THADA: variants seen among roughly 807,000 people sequenced by gnomAD.
The protein encoded by THADA is tRNA (32-2'-O)-methyltransferase regulator THADA.
THADA carries 213 observed loss-of-function variants against 219.8 expected under a neutral mutation model. The ratio of observed to expected loss-of-function variants is 0.97; its 90% CI spans 0.87 to 1.09. The LOEUF (loss-of-function observed/expected upper bound fraction) is 1.09. Ranked by LOEUF, THADA falls within the 50% of genes least tolerant of loss-of-function variation. THADA has a pLI of 0.00. For missense variants in THADA, 2,956 were observed against 2,311.3 expected (o/e 1.28, Z -5.72); for synonymous variants, 1,018 against 828.9 (o/e 1.23, Z -3.92).
chr2:43,584,193 T>G (rs111520011), intron 7 of THADA, among the ~76,000 whole-genome samples: 1 of 152,218 alleles, frequency 6.6e-6, no homozygotes, highest in Admixed American at 6.5e-5. Flanking sequence ...AAAGACTTTT[T>G]TAAAAAAATA....
chr2:43,442,429 G>A (rs1375346323), intron 26 of THADA, among the ~76,000 whole-genome samples: 1 of 152,128 alleles, frequency 6.6e-6, no homozygotes, highest in Non-Finnish European at 1.5e-5. Flanking sequence ...GACAGAGGGA[G>A]ACTCGGAGTT....
chr2:43,389,160 C>G (rs1381445574), intron 29 of THADA, among the ~76,000 whole-genome samples: 1 of 152,176 alleles, frequency 6.6e-6, no homozygotes, highest in African/African-American at 2.4e-5. Flanking sequence ...AATAACACAG[C>G]TAGTAAGCAG....
chr2:43,468,093 T>C, intron 26 of THADA, among the ~76,000 whole-genome samples: 1 of 152,382 alleles, frequency 6.6e-6, no homozygotes, highest in East Asian at 1.9e-4. Flanking sequence ...CTGTCACTAG[T>C]TAAAATATGT....
At chr2:43,270,379 C>G (rs1319529979) in intron 36 of THADA, among the ~76,000 whole-genome samples, 1 of 152,172 alleles carries the variant, frequency 6.6e-6, no homozygotes, top group Non-Finnish European at 1.5e-5. Context: ...TGCATCTGCC[C>G]TCTATTCCCT....
intron 28 of THADA, among the ~76,000 whole-genome samples, chr2:43,406,945 C>A (rs1437981280): frequency 1.3e-5 from 2 of 152,188 alleles, no homozygotes; most frequent in Non-Finnish European, 2.9e-5. Flanking sequence ...AAACCCTTCA[C>A]AATGTTTCTG....
At chr2:43,253,645 C>T (rs999842277) in intron 36 of THADA, among the ~76,000 whole-genome samples, 12 of 152,136 alleles carry the variant, frequency 7.9e-5, no homozygotes, top group African/African-American at 2.7e-4. Context: ...CAAACTGCTA[C>T]GATGGCCTAA....
chr2:43,391,837 C>T (rs1673423277), intron 29 of THADA: 1 of 152,182 alleles, frequency 6.6e-6, no homozygotes, highest in Non-Finnish European at 1.5e-5. Context: ...CTGCCTTAAC[C>T]CTTCTTGGAC....
chr2:43,581,766 A>G lies in THADA; in HGVS notation c.696T>C (p.Ser232=). Residue 232 remains serine (S), a synonymous_variant, in exon 8 of 38, where the codon AGT becomes AGC. Coordinates refer to ENST00000405975, the MANE Select transcript of THADA (RefSeq NM_022065.5). ...CATCGCTTAAAACCTTGGTAAAAAT[A>G]CTCAGCAATCCACACATATTTTGCC... is the stretch of plus-strand genomic sequence containing the variant. ...PIWQNMCGLL[S]IFTKVLSDDD... The G allele has an allele frequency of 6.2e-7, 1 of 1,611,366 alleles. No homozygotes were observed. The highest frequency in any genetic ancestry group is 8.5e-7 in the Non-Finnish European group (1 of 1,179,424).
intron 15 of THADA, chr2:43,565,701 G>C (rs139971225): frequency 6.6e-6 from 1 of 152,358 alleles, no homozygotes; most frequent in African/African-American, 2.4e-5. Flanking sequence ...GAGCAGCTGA[G>C]CAGGATATTT....
rs78417587 is a variant in THADA, at chr2:43,333,880, G to T, written c.4343+10242C>A. 5.8e-4 allele frequency among the ~76,000 whole-genome samples: 88 copies of T among 152,320 alleles called. 1 individual carries two copies. The East Asian group carries it at 0.012, about 21-fold the overall frequency. The stretch of plus-strand genomic sequence containing the variant: ...ACCAGCCCATGAGGGATTTGGGAAG[G>T]AGCTAAAGGACAGTGGGAAAATGGA... On this transcript the variant is annotated intron_variant, in intron 30 of 37. Transcript: ENST00000405975.
At chr2:43,312,068 C>A (rs1450458127) in intron 31 of THADA, among the ~76,000 whole-genome samples, 2 of 151,964 alleles carry the variant, frequency 1.3e-5, no homozygotes, top group African/African-American at 4.8e-5. Flanking sequence ...ACAGAAAAAC[C>A]ACTAGGTTGG....
In THADA at chr2:43,587,002, G is replaced by T; in HGVS notation, c.303C>A (p.Ser101Arg). ...LKNPLKKVLA[S>R]SLNSLPDFFL... ...AAAAATCAGGCAGGCTATTTAGTGAGCTAGAAAAAGAAACAAATATTAAAA... is the reference window on the plus strand; with the variant it reads ...AAAAATCAGGCAGGCTATTTAGTGATCTAGAAAAAGAAACAAATATTAAAA... Residue 101 changes from serine to arginine, a missense_variant and splice_region_variant, in exon 5 of 38, where the codon AGC becomes AGA. Transcript: ENST00000405975. The T allele has an allele frequency of 6.2e-7, 1 of 1,611,638 alleles. No individual in the cohort carries two copies. The highest frequency in any genetic ancestry group is 8.5e-7 in the Non-Finnish European group (1 of 1,178,924).
chr2:43,291,159 C>T (rs1362556488), intron 34 of THADA, among the ~76,000 whole-genome samples: 1 of 151,708 alleles, frequency 6.6e-6, no homozygotes, highest in Non-Finnish European at 1.5e-5. Flanking sequence ...TAAAAAAATG[C>T]CTAAAACAGG....
rs145039246 is a variant in THADA at position 43,498,867 on chromosome 2, G to A, written c.3710C>T (p.Ala1237Val). Residue 1237 changes from alanine to valine, a missense_variant, in exon 25 of 38, where the codon GCT (alanine) becomes GTT (valine). By Grantham distance (64) the Ala-to-Val change is moderately conservative. Coordinates refer to ENST00000405975, the MANE Select transcript of THADA (RefSeq NM_022065.5). ...CGGTGATGTAAAACCCAGAATTGCA[G>A]CCTTAGCTCCATCAGCAACATAAGG... is the stretch of plus-strand genomic sequence containing the variant. ...IIPYVADGAK[A>V]AILGFTSPVW... 936 of 1,612,716 alleles carry A rather than the reference G, an allele frequency of 5.8e-4. 5 individuals are homozygous for A. In the African/African-American group the frequency reaches 0.011, roughly 18 times the overall value.
chr2:43,542,931 T>C (rs1695513044), intron 20 of THADA, among the ~76,000 whole-genome samples: 1 of 152,092 alleles, frequency 6.6e-6, no homozygotes, highest in Non-Finnish European at 1.5e-5. Flanking sequence ...GTTAGTTACA[T>C]ATGTATACAT....
intron 30 of THADA, among the ~76,000 whole-genome samples, chr2:43,325,580 G>T (rs1679226511): frequency 6.6e-6 from 1 of 151,976 alleles, no homozygotes; most frequent in Admixed American, 6.6e-5. Context: ...AGGAAGGGAA[G>T]AGGAGAGAGA....
rs373077677 is a variant in THADA, at chr2:43,578,577, G to T, written c.752C>A (p.Ser251Tyr). ...DDLLQTVQST[S>Y]GLAIILFIKT... ...AATAAAAAGAATAATAGCTAATCCA[G>T]ATGTGCTCTGTACAGTCTGTAACAG... The change falls in exon 9 of 38, where the codon TCT becomes TAT. Residue 251 changes from serine to tyrosine, a missense_variant. Transcript: ENST00000405975. The T allele has an allele frequency of 2.3e-4, 376 of 1,612,470 alleles. No homozygotes were observed. Among genetic ancestry groups the T allele is most frequent in the Non-Finnish European group, 3.1e-4 (362 of 1,178,924 alleles).
In THADA at chr2:43,384,437, T is replaced by C. The variant is rs141137378; in HGVS notation, c.4227+13534A>G. ...ACCCTTTTGAGTTGGTGGGTGTGGATTGTAATTACATTTCTAATTTACTCT... is the reference window on the plus strand; with the variant it reads ...ACCCTTTTGAGTTGGTGGGTGTGGACTGTAATTACATTTCTAATTTACTCT... On this transcript the variant is annotated intron_variant, in intron 29 of 37. Coordinates refer to ENST00000405975, the MANE Select transcript of THADA (RefSeq NM_022065.5). 1.1e-4 allele frequency among the ~76,000 whole-genome samples: 16 copies of C among 152,312 alleles called. 1 individual carries two copies. In the South Asian group the frequency reaches 2.7e-3, roughly 26 times the overall value.
At chr2:43,427,728 G>T (rs1007346471) in intron 28 of THADA, among the ~76,000 whole-genome samples, 7 of 149,524 alleles carry the variant, frequency 4.7e-5, no homozygotes, top group African/African-American at 1.7e-4. Context: ...AGAATGAGGT[G>T]GGCGGATCAC....
Sources: gnomAD v4.1 joint callset for allele counts (sites outside exome capture counted in the v4.1 genomes callset) on GRCh38, gnomAD v4.1.1 for gene constraint, MANE v1.5 for transcripts, NCBI Gene and HGNC (gene_info 2026-07-23, HGNC 2026-07-21) for gene names.